TLN2: variants seen among roughly 807,000 people sequenced by gnomAD.
TLN2 encodes talin 2, also known as talin-2.
Under a neutral mutation model 294.7 loss-of-function variants are expected in TLN2, and 118 were observed. The ratio of observed to expected loss-of-function variants is 0.40; its 90% confidence interval spans 0.34 to 0.47. TLN2 has a LOEUF of 0.47. TLN2 is among the 20% of genes least tolerant of loss of function. The probability of loss-of-function intolerance (pLI) is 0.84; values close to 1 mark genes in which losing one functional copy is unlikely to be tolerated. For missense variants in TLN2, 3,083 were observed against 3,282.2 expected (o/e 0.94, Z 1.48); for synonymous variants, 1,431 against 1,304.5 (o/e 1.10, Z -2.09).
At chr15:62,794,052 T>C (rs935172840) in intron 46 of TLN2, among the ~76,000 whole-genome samples, 16 of 152,062 alleles carry the variant, frequency 1.1e-4, no homozygotes, top group Non-Finnish European at 2.9e-5. Context: ...TTCTTGTTAT[T>C]GAAGTTATTC....
chr15:62,596,605 G>C (rs1006673129), intron 2 of TLN2, among the ~76,000 whole-genome samples: 1 of 152,102 alleles, frequency 6.6e-6, no homozygotes, highest in East Asian at 2.0e-4. Context: ...AGGCATGATG[G>C]TGCGTGCCTG....
At chr15:62,667,221 C>A (rs945806391) in intron 9 of TLN2, among the ~76,000 whole-genome samples, 1 of 152,220 alleles carries the variant, frequency 6.6e-6, no homozygotes, top group Non-Finnish European at 1.5e-5. Flanking sequence ...CCGCCTTGGC[C>A]TCCCAAAGTG....
chr15:62,792,828 C>G (rs773421948), intron 46 of TLN2, 41 bp downstream of exon 46: 17 of 1,609,454 alleles, frequency 1.1e-5, no homozygotes, highest in Non-Finnish European at 1.4e-5. Flanking sequence ...AGAACCTGCG[C>G]TGGCTCTCAG....
chr15:62,697,938 G>A lies in TLN2; in HGVS notation c.1473+70G>A, dbSNP rs112020339. The A allele has an allele frequency of 5.2e-6, 8 of 1,535,778 alleles. No individual in the cohort carries two copies. In the African/African-American group the frequency reaches 8.2e-5, roughly 16 times the overall value. ...CCCGCATGCAGGGTGGACACCAGCG[G>A]CGGTGATGGGCTGAGTGTTGGAACG... On this transcript the variant is annotated intron_variant, in intron 15 of 58. Coordinates refer to ENST00000636159, the MANE Select transcript of TLN2 (RefSeq NM_015059.3).
intron 1 of TLN2, among the ~76,000 whole-genome samples, chr15:62,438,848 C>A (rs1329519537): frequency 6.6e-6 from 1 of 152,140 alleles, no homozygotes; most frequent in Non-Finnish European, 1.5e-5. Context: ...GAGCAGGCCT[C>A]AACAGTTGGA....
rs761630135 is a variant in TLN2, at chr15:62,707,161, C to G, written c.2080C>G (p.Gln694Glu). Residue 694 changes from glutamine to glutamate, a missense_variant, in exon 20 of 59, where the codon CAA (glutamine) becomes GAA (glutamate). By Grantham distance (29) the Gln-to-Glu change is conservative. Coordinates refer to ENST00000636159, the MANE Select transcript of TLN2 (RefSeq NM_015059.3). ...MLVLKAKNVA[Q>E]VAEDTVLQNR... ...GGTACTAAAGGCAAAGAATGTTGCCCAAGTGGCCGAAGACACTGTCCTACA... is the reference window on the plus strand; with the variant it reads ...GGTACTAAAGGCAAAGAATGTTGCCGAAGTGGCCGAAGACACTGTCCTACA... The G allele has an allele frequency of 6.2e-7, 1 of 1,614,156 alleles. No individual in the cohort carries two copies. Among genetic ancestry groups the G allele is most frequent in the South Asian group, 1.1e-5 (1 of 91,076 alleles).
Position 62,640,449 on chromosome 15 carries a change from T to C in TLN2, c.-36-6826T>C, listed in dbSNP as rs1269691014. 3 of 433,346 alleles carry C rather than the reference T, an allele frequency of 6.9e-6. No individual in the cohort carries two copies. The Admixed American group carries it at 7.4e-5, about 11-fold the overall frequency. 26.8% of individuals were successfully genotyped at this position (433,346 alleles called of 1,614,324 possible). ...CCATTGAGGTATGGTAGCCTGGCCC[T>C]CTGGTCTTGCCAGGTGGGCACAAAC... is the stretch of plus-strand genomic sequence containing the variant. On this transcript the variant is annotated intron_variant, in intron 3 of 58. Transcript: ENST00000636159.
intron 2 of TLN2, among the ~76,000 whole-genome samples, chr15:62,593,475 A>G (rs1031488393): frequency 6.6e-6 from 1 of 152,174 alleles, no homozygotes; most frequent in Admixed American, 6.5e-5. Context: ...GTTTCCATGC[A>G]TTTTTTGGCT....
At chr15:62,394,330 T>C (rs894049427) in intron 1 of TLN2, among the ~76,000 whole-genome samples, 1 of 152,196 alleles carries the variant, frequency 6.6e-6, no homozygotes, top group African/African-American at 2.4e-5. Flanking sequence ...CCTGATGATT[T>C]TGAGTGGTCG....
rs541198101 is a variant in TLN2 at position 62,450,085 on chromosome 15, G to A, written c.-238+59400G>A. ...ACTTACTTTCCTAATGTTTTCTGCC[G>A]TCTCCTGCAGAATCTCTCCTCTGGC... On this transcript the variant is annotated intron_variant, in intron 1 of 58. Coordinates refer to ENST00000636159, the MANE Select transcript of TLN2 (RefSeq NM_015059.3). Among the ~76,000 whole-genome samples the A allele has an allele frequency of 7.9e-5, 12 of 152,164 alleles. No homozygotes were observed. The South Asian group carries it at 8.3e-4, about 11-fold the overall frequency.
intron 1 of TLN2, among the ~76,000 whole-genome samples, chr15:62,502,350 G>T (rs1456648355): frequency 1.3e-5 from 2 of 152,228 alleles, no homozygotes; most frequent in African/African-American, 4.8e-5. Flanking sequence ...ACTTCTTCTT[G>T]TGAGAATATT....
At chr15:62,506,967 TTTG>T (rs149994370) in intron 1 of TLN2, among the ~76,000 whole-genome samples, 4,608 of 152,328 alleles carry the variant, frequency 0.03, 100 homozygotes, top group Middle Eastern at 0.11. Flanking sequence ...TGACAAGATA[TTTG>T]TTGTTTTTAC....
chr15:62,725,191 T>C (rs2060369331), intron 27 of TLN2, 87 bp downstream of exon 27: 1 of 1,496,218 alleles, frequency 6.7e-7, no homozygotes, highest in Non-Finnish European at 8.9e-7. Flanking sequence ...TTGCTAAAGT[T>C]GCGGCATGTT....
chr15:62,410,708 T>C (rs2033722935), intron 1 of TLN2, among the ~76,000 whole-genome samples: 2 of 152,208 alleles, frequency 1.3e-5, no homozygotes, highest in African/African-American at 4.8e-5. Flanking sequence ...ATTTCTTTCT[T>C]AGAACCACAT....
At chr15:62,474,519 G>T (rs1271696040) in intron 1 of TLN2, among the ~76,000 whole-genome samples, 1 of 152,084 alleles carries the variant, frequency 6.6e-6, no homozygotes, top group African/African-American at 2.4e-5. Flanking sequence ...GTGCATGCCT[G>T]TAGTCCTAGC....
At chr15:62,420,673 G>C (rs901128089) in intron 1 of TLN2, among the ~76,000 whole-genome samples, 30 of 152,176 alleles carry the variant, frequency 2.0e-4, no homozygotes, top group African/African-American at 7.0e-4. Context: ...ACAAAGGCTG[G>C]GATGTAACAA....
At chr15:62,729,252 T>C (rs2060592486) in intron 28 of TLN2, among the ~76,000 whole-genome samples, 1 of 152,254 alleles carries the variant, frequency 6.6e-6, no homozygotes, top group Non-Finnish European at 1.5e-5. Context: ...AGTTTTATAC[T>C]AAGTCTTAAT....
At chr15:62,425,259 T>A (rs747034937) in intron 1 of TLN2, among the ~76,000 whole-genome samples, 13 of 152,130 alleles carry the variant, frequency 8.5e-5, no homozygotes, top group Non-Finnish European at 1.8e-4. Context: ...AGCCCCTATT[T>A]GTCTTAAAAG....
At chr15:62,719,999 G>A (rs1369731514) in intron 25 of TLN2, 119 bp downstream of exon 25, 2 of 700,922 alleles carry the variant, frequency 2.9e-6, no homozygotes, top group Non-Finnish European at 4.3e-6. Context: ...GGTAGGCAGG[G>A]CTTGAAGGCC....
Sources: gnomAD v4.1 joint callset for allele counts (sites outside exome capture counted in the v4.1 genomes callset) on GRCh38, gnomAD v4.1.1 for gene constraint, MANE v1.5 for transcripts, NCBI Gene and HGNC (gene_info 2026-07-23, HGNC 2026-07-21) for gene names.